Variants in KLF15 observed in about 807,000 individuals in gnomAD.
KLF15 encodes the protein Krueppel-like factor 15.
Under a neutral mutation model 24.6 loss-of-function variants are expected in KLF15, and 4 were observed. The observed-to-expected ratio is 0.16, with a 90% confidence interval of 0.08 to 0.37. KLF15 has a LOEUF of 0.37. KLF15 is among the 10% of genes least tolerant of loss of function. The pLI is 1.00. For synonymous variants in KLF15, 246 were observed against 236.3 expected, an observed-to-expected ratio of 1.04 and a Z score of -0.37; for missense variants, 496 against 560.6, an observed-to-expected ratio of 0.88 and a Z score of 1.16.
chr3:126,357,032 CG>C (rs559628336), intron 1 of KLF15, among the ~76,000 whole-genome samples: 1,571 of 147,048 alleles, frequency 0.011, 25 homozygotes, highest in African/African-American at 0.035. Flanking sequence ...GCGACCGGGG[CG>C]GGGGGGGTCA....
At position 126,356,136 on chromosome 3, in the gene KLF15, T is replaced by A. The variant is rs1173820756; in HGVS notation, c.-26+1101A>T. Among the ~76,000 whole-genome samples the A allele has an allele frequency of 6.6e-6, 1 of 152,036 alleles. No individual in the cohort carries two copies. The highest frequency in any genetic ancestry group is 1.5e-5 in the Non-Finnish European group (1 of 67,980). Reference sequence around the variant, plus strand: ...CCCAGCGCCGGCCAAGGGCTTGCCATTGGGTCAGCGTGCAAATCACGGGGG... The same window carrying A: ...CCCAGCGCCGGCCAAGGGCTTGCCAATGGGTCAGCGTGCAAATCACGGGGG... On this transcript the variant is annotated intron_variant, in intron 1 of 2. Transcript: ENST00000296233. This position sits in a 1 kb window ranked among gnomAD's most constrained non-coding sequence, Gnocchi z 4.4.
At chr3:126,341,441 G>A (rs1353116043), downstream of KLF15, among the ~76,000 whole-genome samples, 2 of 152,196 alleles carry the variant, frequency 1.3e-5, no homozygotes, top group Non-Finnish European at 1.5e-5. Flanking sequence ...ATCTAGGGCT[G>A]AACTGCTTGT....
At chr3:126,326,812 T>C in the KLF15 span, among the ~76,000 whole-genome samples, 1 of 152,230 alleles carries the variant, frequency 6.6e-6, no homozygotes. Context: ...TAGAGTTTAA[T>C]TTTAAATTAT....
intron 1 of KLF15, among the ~76,000 whole-genome samples, chr3:126,355,262 T>C (rs1333962583): frequency 1.3e-5 from 2 of 152,268 alleles, no homozygotes; most frequent in Admixed American, 6.5e-5. Flanking sequence ...ACAGATAAAG[T>C]GATCTAAAAA....
At chr3:126,292,355 T>C in the KLF15 span, among the ~76,000 whole-genome samples, 1 of 152,172 alleles carries the variant, frequency 6.6e-6, no homozygotes, top group African/African-American at 2.4e-5. Flanking sequence ...ACAGTTTCTA[T>C]TGCTATCTTT....
intron 1 of KLF15, 78 bp downstream of exon 1, chr3:126,357,159 C>G (rs988354351): frequency 8.6e-5 from 13 of 151,276 alleles, no homozygotes; most frequent in Non-Finnish European, 1.9e-4. Flanking sequence ...CACGGCCACG[C>G]GCCCCGAGGC....
At chr3:126,299,205 A>ATGTAT in the KLF15 span, among the ~76,000 whole-genome samples, 65 of 150,492 alleles carry the variant, frequency 4.3e-4, no homozygotes, top group African/African-American at 1.5e-3. Context: ...TATATTCCTA[A>ATGTAT]GTATGTATGT....
chr3:126,301,088 C>T, the KLF15 span, among the ~76,000 whole-genome samples: 1 of 152,178 alleles, frequency 6.6e-6, no homozygotes, highest in Non-Finnish European at 1.5e-5. Flanking sequence ...CCGGTTTCCG[C>T]ATCTGTTTCT....
the KLF15 span, among the ~76,000 whole-genome samples, chr3:126,323,825 G>A: frequency 6.0e-3 from 915 of 151,346 alleles, 4 homozygotes; most frequent in African/African-American, 0.022. Flanking sequence ...GTGATGTTTG[G>A]TTTTCTGTTC....
chr3:126,302,816 G>A, the KLF15 span, among the ~76,000 whole-genome samples: 2 of 152,018 alleles, frequency 1.3e-5, no homozygotes, highest in Non-Finnish European at 2.9e-5. Context: ...TCTTATAGTA[G>A]CATACACTTG....
At chr3:126,308,243 A>G in the KLF15 span, among the ~76,000 whole-genome samples, 1 of 152,212 alleles carries the variant, frequency 6.6e-6, no homozygotes, top group African/African-American at 2.4e-5. Context: ...GGTTGAGTCC[A>G]GCACAACCCT....
the KLF15 span, among the ~76,000 whole-genome samples, chr3:126,318,020 T>C: frequency 1.3e-5 from 2 of 152,150 alleles, no homozygotes; most frequent in East Asian, 3.9e-4. Flanking sequence ...GATTCCATGC[T>C]GGCTCTCTGT....
chr3:126,300,953 C>T, the KLF15 span, among the ~76,000 whole-genome samples: 2 of 152,130 alleles, frequency 1.3e-5, no homozygotes, highest in Admixed American at 6.5e-5. Flanking sequence ...TCACTGGGTG[C>T]GAAAGGAGGA....
At chr3:126,323,388 A>G in the KLF15 span, among the ~76,000 whole-genome samples, 1 of 100,588 alleles carries the variant, frequency 9.9e-6, no homozygotes, top group African/African-American at 3.9e-5. Context: ...ATATTCTCTT[A>G]CTTAGCCCCA....
At chr3:126,289,353 G>C in the KLF15 span, among the ~76,000 whole-genome samples, 1 of 152,220 alleles carries the variant, frequency 6.6e-6, no homozygotes, top group Non-Finnish European at 1.5e-5. Flanking sequence ...CTAAATGAAT[G>C]CCTCCTTAAA....
chr3:126,327,708 G>T, the KLF15 span, among the ~76,000 whole-genome samples: 15 of 152,268 alleles, frequency 9.9e-5, no homozygotes, highest in Admixed American at 9.2e-4. Context: ...ACTGAAGCCT[G>T]CATGTCATGT....
At chr3:126,312,806 T>C in the KLF15 span, among the ~76,000 whole-genome samples, 4 of 152,168 alleles carry the variant, frequency 2.6e-5, no homozygotes. Context: ...ACTGGCGGGT[T>C]CCCTTTAAGG....
the KLF15 span, chr3:126,289,053 T>C: frequency 6.6e-6 from 1 of 152,170 alleles, no homozygotes; most frequent in South Asian, 2.1e-4. Flanking sequence ...AAATTTAGTA[T>C]TTGATACAGG....
chr3:126,344,159 G>A (rs1160873224), intron 2 of KLF15, among the ~76,000 whole-genome samples: 3 of 152,130 alleles, frequency 2.0e-5, no homozygotes, highest in African/African-American at 7.2e-5. Context: ...AGCCTCCCGG[G>A]CTCAATCAAT....
Sources: allele counts gnomAD v4.1 joint callset (sites outside exome capture counted in the v4.1 genomes callset), GRCh38; gene constraint gnomAD v4.1.1; non-coding constraint Gnocchi (gnomAD v3.1); transcripts MANE v1.5; gene names NCBI Gene and HGNC (gene_info 2026-07-23, HGNC 2026-07-21).